CBLC: variants seen among roughly 807,000 people sequenced by gnomAD.
CBLC encodes the protein Cbl proto-oncogene C.
CBLC carries 46 observed loss-of-function variants against 58.6 expected under a neutral mutation model. That is an observed-to-expected ratio of 0.79 (90% CI 0.62 to 1.00). The LOEUF (loss-of-function observed/expected upper bound fraction) is 1.00, where lower values mean the gene tolerates loss of function less well. Among genes scored for constraint, CBLC ranks in the 50% least tolerant of loss-of-function variants. CBLC has a pLI of 0.00. For synonymous variants in CBLC, 271 were observed against 264.2 expected, an observed-to-expected ratio of 1.03 and a Z score of -0.25; for missense variants, 655 against 625.8, an observed-to-expected ratio of 1.05 and a Z score of -0.50.
At chr19:44,784,721 T>C in intron 5 of CBLC, among the ~76,000 whole-genome samples, 1 of 152,074 alleles carries the variant, frequency 6.6e-6, no homozygotes, top group Middle Eastern at 3.2e-3. Flanking sequence ...ATTTTCTTCC[T>C]CTTTTACTTT....
At chr19:44,789,695 C>A in intron 5 of CBLC, among the ~76,000 whole-genome samples, 1 of 152,150 alleles carries the variant, frequency 6.6e-6, no homozygotes, top group East Asian at 1.9e-4. Context: ...CTGCCCTAAG[C>A]CAGAAATTTT....
rs1968132604 is a variant in CBLC, at chr19:44,794,253, G to A, written c.1334G>A (p.Arg445Lys). 4 of 1,612,810 alleles carry A rather than the reference G, an allele frequency of 2.5e-6. No individual in the cohort carries two copies. Among genetic ancestry groups the A allele is most frequent in the Non-Finnish European group, 2.5e-6 (3 of 1,179,452 alleles). ...CCCCCACGGCCAGATCTGCCCCCCA[G>A]GAAGCCCAGAAATGCCCAGCCGAAA... Reference protein sequence around the residue: ...PLPPRPDLPPRKPRNAQPKVR... With the variant: ...PLPPRPDLPPKKPRNAQPKVR... The change falls in exon 9 of 11, where the codon AGG becomes AAG. Residue 445 changes from arginine to lysine, a missense_variant. Arg to Lys is a conservative substitution (Grantham distance 26). Around this residue, in one of 3 missense-constraint regions of CBLC, gnomAD observed 371 missense variants for 370.8 expected, o/e 1.00. Transcript: ENST00000647358.
intron 4 of CBLC, among the ~76,000 whole-genome samples, chr19:44,783,799 T>C (rs1967812162): frequency 6.6e-6 from 1 of 152,186 alleles, no homozygotes; most frequent in Non-Finnish European, 1.5e-5. Flanking sequence ...TTCTCTGCTT[T>C]CCTCTGTTTG....
chr19:44,780,166 A>G (rs1022232319), intron 1 of CBLC, among the ~76,000 whole-genome samples: 1 of 149,558 alleles, frequency 6.7e-6, no homozygotes, highest in African/African-American at 2.5e-5. Flanking sequence ...ACATGGTCTC[A>G]CTCTGTTGCC....
chr19:44,793,409 G>T, intron 7 of CBLC, 65 bp from the exon 8 acceptor site: 1 of 1,481,452 alleles, frequency 6.8e-7, no homozygotes, highest in Non-Finnish European at 8.9e-7. Flanking sequence ...GGAGCTCCTC[G>T]TTGGCCCAAG....
chr19:44,778,772 GC>G (rs2122373487), intron 1 of CBLC, among the ~76,000 whole-genome samples: 1 of 121,786 alleles, frequency 8.2e-6, no homozygotes, highest in East Asian at 2.6e-4. Context: ...AGGGGTCCAG[GC>G]CCCCAGCCCC....
In CBLC at chr19:44,782,358, G is replaced by A. The variant is rs1250589162; in HGVS notation, c.658-12G>A. On this transcript the variant is annotated splice_polypyrimidine_tract_variant and intron_variant, in intron 3 of 10. Coordinates refer to ENST00000647358, the MANE Select transcript of CBLC (RefSeq NM_012116.4). ...CTGGTCGCTCCCTGACCCAAGCCCT[G>A]CCCCACCCCAGCCATGGCCAACACT... The A allele has an allele frequency of 1.9e-6, 3 of 1,613,578 alleles. No homozygotes were observed. Among genetic ancestry groups the A allele is most frequent in the Non-Finnish European group, 2.5e-6 (3 of 1,179,714 alleles).
chr19:44,790,026 A>G lies in CBLC; in HGVS notation c.940A>G (p.Thr314Ala). 1 of 1,613,518 alleles carries G rather than the reference A, an allele frequency of 6.2e-7. No individual in the cohort carries two copies. Among genetic ancestry groups the G allele is most frequent in the South Asian group, 1.1e-5 (1 of 91,046 alleles). ...CAGCTACCTCTACCCAGATGGAAAG[A>G]CCCACAACCCAGACCTGACTGAGCT... ...DGFYLYPDGK[T>A]HNPDLTELGQ... is the part of the protein sequence containing the mutation. Residue 314 changes from threonine to alanine, a missense_variant, in exon 6 of 11, where the codon ACC becomes GCC. Physicochemically the swap from Thr to Ala is moderately conservative, Grantham distance 58. Transcript: ENST00000647358.
chr19:44,782,593 C>G, intron 4 of CBLC, 102 bp downstream of exon 4: 1 of 913,278 alleles, frequency 1.1e-6, no homozygotes, highest in South Asian at 1.6e-5. Flanking sequence ...AGAGTGGGAA[C>G]AGAGGTACCC....
chr19:44,783,482 C>A (rs1426253724), intron 4 of CBLC, among the ~76,000 whole-genome samples: 1 of 151,488 alleles, frequency 6.6e-6, no homozygotes, highest in African/African-American at 2.4e-5. Context: ...GCACTCCTGC[C>A]TGGGCAACAA....
At chr19:44,780,296 C>T (rs975702313) in intron 1 of CBLC, among the ~76,000 whole-genome samples, 2 of 150,358 alleles carry the variant, frequency 1.3e-5, no homozygotes, top group South Asian at 4.2e-4. Context: ...CACCACGCAG[C>T]GATAATTTTT....
At chr19:44,798,445 C>T (rs1968222336) in intron 9 of CBLC, among the ~76,000 whole-genome samples, 1 of 152,092 alleles carries the variant, frequency 6.6e-6, no homozygotes, top group African/African-American at 2.4e-5. Flanking sequence ...CGCGGTGGCT[C>T]ACACGTGTAA....
chr19:44,794,457 CTTTTTTTTT>C (rs200824891), intron 9 of CBLC, among the ~76,000 whole-genome samples, 176 bp downstream of exon 9: 1 of 78,328 alleles, frequency 1.3e-5, no homozygotes, highest in East Asian at 2.9e-4. Context: ...CTGGGACTTT[CTTTTTTTTT>C]TTTTTTTTTT....
At chr19:44,784,955 T>TTG (rs1568558659) in intron 5 of CBLC, among the ~76,000 whole-genome samples, 7 of 90,226 alleles carry the variant, frequency 7.8e-5, no homozygotes, top group South Asian at 4.8e-4. Context: ...CAGGTGTTTT[T>TTG]TTTTTTTTTT....
At chr19:44,799,848 A>G (rs1408384176) in intron 9 of CBLC, among the ~76,000 whole-genome samples, 4 of 151,796 alleles carry the variant, frequency 2.6e-5, no homozygotes, top group Non-Finnish European at 5.9e-5. Flanking sequence ...AGAAAAGAAA[A>G]GAAAGAAAAA....
rs1294384789 is a variant in CBLC, at chr19:44,780,725, A to C, written c.354-180A>C. ...TGACTTCAAGTGATCCACCCACCTC[A>C]GCCTCCCAAAGTGCTGGGATTACAG... On this transcript the variant is annotated intron_variant, in intron 1 of 10. Transcript: ENST00000647358. Among the ~76,000 whole-genome samples, 3 of 152,124 alleles carry C rather than the reference A, an allele frequency of 2.0e-5. No homozygotes were observed. In the East Asian group the frequency reaches 5.8e-4, roughly 29 times the overall value.
Position 44,784,395 on chromosome 19 carries a change from A to G in CBLC, c.911A>G (p.Asp304Gly). ...LSQVLLEGQK[D>G]GFYLYPDGKT... ...CAGGTGCTCCTGGAGGGACAGAAGG[A>G]CGGCTTGTGAGTCTCCATTCTGGTA... Residue 304 changes from aspartate to glycine, a missense_variant, in exon 5 of 11, where the codon GAC (aspartate) becomes GGC (glycine). Around this residue, in one of 3 missense-constraint regions of CBLC, gnomAD observed 371 missense variants for 370.8 expected, o/e 1.00. Coordinates refer to ENST00000647358, the MANE Select transcript of CBLC (RefSeq NM_012116.4). The G allele has an allele frequency of 6.3e-7, 1 of 1,581,222 alleles. No homozygotes were observed. The highest frequency in any genetic ancestry group is 8.7e-7 in the Non-Finnish European group (1 of 1,154,402).
chr19:44,797,754 C>CA (rs113914212), intron 9 of CBLC, among the ~76,000 whole-genome samples: 3,275 of 139,358 alleles, frequency 0.024, 105 homozygotes, highest in African/African-American at 0.074. Context: ...GACTCCATCT[C>CA]AAAAAAAAAA....
intron 6 of CBLC, among the ~76,000 whole-genome samples, chr19:44,791,038 G>A (rs959030388): frequency 2.2e-4 from 34 of 151,788 alleles, no homozygotes; most frequent in Admixed American, 1.8e-3. Context: ...AGAATCACTT[G>A]AACCCAGGAG....
Sources: gnomAD v4.1 joint callset for allele counts (sites outside exome capture counted in the v4.1 genomes callset) on GRCh38, gnomAD v4.1.1 for gene constraint, gnomAD v4.1.1 regional missense constraint, MANE v1.5 for transcripts, NCBI Gene and HGNC (gene_info 2026-07-23, HGNC 2026-07-21) for gene names.